PPARG: variants seen among roughly 807,000 people sequenced by gnomAD.
The protein encoded by PPARG is peroxisome proliferator activated receptor gamma.
PPARG carries 17 observed loss-of-function variants against 39.2 expected under a neutral mutation model. The ratio of observed to expected loss-of-function variants is 0.43; its 90% confidence interval spans 0.30 to 0.65. The LOEUF (loss-of-function observed/expected upper bound fraction) is 0.65, where lower values mean the gene tolerates loss of function less well. PPARG is among the 30% of genes least tolerant of loss of function. The pLI, the probability that PPARG is intolerant of heterozygous loss-of-function variation, is 0.13. For synonymous variants in PPARG, 223 were observed against 215.7 expected (o/e 1.03, Z -0.30); for missense variants, 406 against 585.9 (o/e 0.69, Z 3.17).
chr3:12,333,672 A>G (rs1446281090), intron 2 of PPARG, among the ~76,000 whole-genome samples: 1 of 152,064 alleles, frequency 6.6e-6, no homozygotes, highest in African/African-American at 2.4e-5. Context: ...CATCATGCTT[A>G]TGCCCCCTAC....
At chr3:12,379,580 T>C in intron 2 of PPARG, 124 bp from the exon 3 acceptor site, 3 of 846,502 alleles carry the variant, frequency 3.5e-6, no homozygotes, top group Non-Finnish European at 5.8e-6. Context: ...TTCTTTTCTG[T>C]TGTTGTGAGC....
chr3:12,343,271 G>A (rs1312501670), intron 2 of PPARG, among the ~76,000 whole-genome samples: 1 of 152,082 alleles, frequency 6.6e-6, no homozygotes, highest in African/African-American at 2.4e-5. Context: ...TCTTCACTCT[G>A]TTCCCTTTCC....
chr3:12,415,180 C>T (rs1049025691), intron 6 of PPARG, among the ~76,000 whole-genome samples: 3 of 152,136 alleles, frequency 2.0e-5, no homozygotes, highest in Admixed American at 6.6e-5. Context: ...TCATGTTTGT[C>T]GTGCATGCAC....
Position 12,416,871 on chromosome 3 carries a change from A to G in PPARG, c.897A>G (p.Lys299=). The G allele has an allele frequency of 6.2e-7, 1 of 1,614,138 alleles. No homozygotes were observed. The highest frequency in any genetic ancestry group is 8.5e-7 in the Non-Finnish European group (1 of 1,180,016). The part of the protein sequence containing the change: ...EAVQEITEYA[K]SIPGFVNLDL... ...TGCAGGAGATCACAGAGTATGCCAAAAGCATTCCTGGTTTTGTAAATCTTG... is the reference window on the plus strand; with the variant it reads ...TGCAGGAGATCACAGAGTATGCCAAGAGCATTCCTGGTTTTGTAAATCTTG... Residue 299 remains lysine (K), a synonymous_variant, in exon 7 of 8, where the codon AAA becomes AAG. Transcript: ENST00000651735.
intron 2 of PPARG, among the ~76,000 whole-genome samples, chr3:12,334,557 A>C (rs924767117): frequency 6.6e-6 from 1 of 152,134 alleles, no homozygotes; most frequent in African/African-American, 2.4e-5. Context: ...TTTTAAGTTT[A>C]GAGTTTACTC....
chr3:12,340,135 A>G (rs969884446), intron 2 of PPARG, among the ~76,000 whole-genome samples: 14 of 152,198 alleles, frequency 9.2e-5, no homozygotes, highest in Non-Finnish European at 1.6e-4. Flanking sequence ...GAACCATCCT[A>G]TGAGATTACA....
intron 2 of PPARG, among the ~76,000 whole-genome samples, chr3:12,322,275 T>C (rs1327322054): frequency 6.6e-6 from 1 of 152,244 alleles, no homozygotes; most frequent in East Asian, 1.9e-4. Flanking sequence ...CATGAAAGAC[T>C]AGACTAGTTA....
chr3:12,306,233 C>T (rs1250098496), intron 1 of PPARG, among the ~76,000 whole-genome samples: 1 of 152,144 alleles, frequency 6.6e-6, no homozygotes, highest in Non-Finnish European at 1.5e-5. Flanking sequence ...ATGCACAGTT[C>T]ACAATAGGGT....
Position 12,379,842 on chromosome 3 carries a change from C to T in PPARG, c.131C>T (p.Ser44Phe). The change falls in exon 3 of 8, where the codon TCT becomes TTT. Residue 44 changes from serine to phenylalanine, a missense_variant. Coordinates refer to ENST00000651735, the MANE Select transcript of PPARG (RefSeq NM_138711.6). ...PFTTVDFSSI[S>F]TPHYEDIPFT... ...ACTACTGTTGACTTCTCCAGCATTT[C>T]TACTCCACATTACGAAGACATTCCA... The T allele has an allele frequency of 6.2e-7, 1 of 1,613,950 alleles. No individual in the cohort carries two copies. Among genetic ancestry groups the T allele is most frequent in the South Asian group, 1.1e-5 (1 of 91,080 alleles).
At chr3:12,381,279 G>C in intron 3 of PPARG, 43 bp from the exon 4 acceptor site, 1 of 1,599,228 alleles carries the variant, frequency 6.3e-7, no homozygotes, top group South Asian at 1.1e-5. Context: ...TTTTAGGACT[G>C]TTTTCATGGG....
intron 2 of PPARG, among the ~76,000 whole-genome samples, chr3:12,339,428 A>G (rs2048110442): frequency 1.3e-5 from 2 of 152,204 alleles, no homozygotes; most frequent in African/African-American, 4.8e-5. Flanking sequence ...AAATTCGTTG[A>G]ATTGCACATT....
chr3:12,389,756 G>T (rs914603487), intron 4 of PPARG, among the ~76,000 whole-genome samples: 12 of 152,058 alleles, frequency 7.9e-5, no homozygotes, highest in African/African-American at 2.9e-4. Context: ...AAAGAGCCAG[G>T]TATGGTGGTG....
At chr3:12,368,629 G>A (rs1440704114) in intron 2 of PPARG, among the ~76,000 whole-genome samples, 1 of 152,158 alleles carries the variant, frequency 6.6e-6, no homozygotes, top group African/African-American at 2.4e-5. Flanking sequence ...TAATCTGTTA[G>A]GTGGTAATAA....
intron 2 of PPARG, among the ~76,000 whole-genome samples, chr3:12,329,015 A>G (rs1014001517): frequency 6.6e-6 from 1 of 152,148 alleles, no homozygotes; most frequent in African/African-American, 2.4e-5. Flanking sequence ...TGAGGGGGCA[A>G]TGGTGTGCTC....
At chr3:12,422,243 A>G (rs1432624676) in intron 7 of PPARG, among the ~76,000 whole-genome samples, 1 of 152,244 alleles carries the variant, frequency 6.6e-6, no homozygotes, top group Non-Finnish European at 1.5e-5. Flanking sequence ...ATGTGGGAGA[A>G]TCTGTCCTGG....
At chr3:12,389,540 A>C (rs1411170935) in intron 4 of PPARG, among the ~76,000 whole-genome samples, 1 of 152,220 alleles carries the variant, frequency 6.6e-6, no homozygotes, top group African/African-American at 2.4e-5. Flanking sequence ...TGGAAGCAGA[A>C]GGATAATGGA....
intron 2 of PPARG, among the ~76,000 whole-genome samples, chr3:12,339,336 C>A (rs1346624934): frequency 6.6e-6 from 1 of 152,128 alleles, no homozygotes; most frequent in African/African-American, 2.4e-5. Flanking sequence ...GATTGTAAAT[C>A]AGCATGACAG....
In PPARG at chr3:12,417,172, A is replaced by G. The variant is rs750277044; in HGVS notation, c.1180+18A>G. On this transcript the variant is annotated intron_variant, in intron 7 of 7. Coordinates refer to ENST00000651735, the MANE Select transcript of PPARG (RefSeq NM_138711.6). The stretch of plus-strand genomic sequence containing the variant: ...CAGTGGAGGTAAGATTTGTCTTTTG[A>G]TCTTCTATGAAAGAGGGTGGGATGA... 7 of 1,610,906 alleles carry G rather than the reference A, an allele frequency of 4.3e-6. No individual in the cohort carries two copies. In the African/African-American group the frequency reaches 8.0e-5, roughly 18 times the overall value.
chr3:12,375,821 A>G (rs1462896057), intron 2 of PPARG, among the ~76,000 whole-genome samples: 3 of 152,212 alleles, frequency 2.0e-5, no homozygotes, highest in Non-Finnish European at 4.4e-5. Context: ...ACTGAAACAC[A>G]GATAACTTAA....
Sources: allele counts gnomAD v4.1 joint callset (sites outside exome capture counted in the v4.1 genomes callset), GRCh38; gene constraint gnomAD v4.1.1; transcripts MANE v1.5; gene names NCBI Gene and HGNC (gene_info 2026-07-23, HGNC 2026-07-21).